IBTK: variants seen among roughly 807,000 people sequenced by gnomAD.
IBTK encodes the protein BTK-binding protein.
A neutral mutation model predicts 154.9 loss-of-function variants in IBTK; 83 were observed. That is an observed-to-expected ratio of 0.54 (90% confidence interval 0.45 to 0.64). The LOEUF is 0.64. Among genes scored for constraint, IBTK ranks in the 30% least tolerant of loss-of-function variants. The pLI, the probability that IBTK is intolerant of heterozygous loss-of-function variation, is 0.00. For missense variants in IBTK, 1,332 were observed against 1,584.6 expected (o/e 0.84, Z 2.71); for synonymous variants, 515 against 536.1 (o/e 0.96, Z 0.54).
intron 21 of IBTK, among the ~76,000 whole-genome samples, chr6:82,198,181 A>G (rs145408250): frequency 1.3e-3 from 191 of 152,324 alleles, no homozygotes; most frequent in African/African-American, 4.5e-3. Context: ...TATGGTAACA[A>G]TAACATTATT....
chr6:82,173,489 C>T, intron 26 of IBTK, 51 bp from the exon 27 acceptor site: 1 of 1,439,264 alleles, frequency 6.9e-7, no homozygotes, highest in Non-Finnish European at 9.8e-7. Flanking sequence ...TAATATTAGT[C>T]AAACTGCTTA....
At chr6:82,205,112 T>G (rs996336518) in intron 16 of IBTK, 154 bp from the exon 17 acceptor site, 6 of 425,878 alleles carry the variant, frequency 1.4e-5, no homozygotes, top group African/African-American at 1.2e-4. Flanking sequence ...AAGATTATTT[T>G]CTAAATGTTG....
intron 20 of IBTK, 52 bp from the exon 21 acceptor site, chr6:82,200,305 A>G: frequency 8.0e-7 from 1 of 1,247,404 alleles, no homozygotes; most frequent in African/African-American, 1.5e-5. Context: ...TAACTAAGAT[A>G]AATGCACTTA....
Position 82,200,167 on chromosome 6 carries a change from T to A in IBTK, c.2999A>T (p.Asp1000Val). Residue 1000 changes from aspartate to valine, a missense_variant, in exon 21 of 29, where the codon GAT (aspartate) becomes GTT (valine). Asp to Val is a radical substitution (Grantham distance 152, BLOSUM62 -3). This residue lies in a region of IBTK where 1,134 missense variants were observed against 1,274.7 expected (regional missense o/e 0.89). Transcript: ENST00000306270. ...TGTAGATGATGGACTCTGAATAATA[T>A]CTGAAAGGTTATAACCTCCAGAACT... ...SDSSGGYNLS[D>V]IIQSPSSTGL... 9 of 1,610,542 alleles carry A rather than the reference T, an allele frequency of 5.6e-6. No homozygotes were observed. The highest frequency in any genetic ancestry group is 7.6e-6 in the Non-Finnish European group (9 of 1,177,902).
intron 27 of IBTK, 49 bp downstream of exon 27, chr6:82,173,318 T>C (rs777217808): frequency 5.1e-6 from 7 of 1,373,456 alleles, no homozygotes; most frequent in Non-Finnish European, 7.3e-6. Context: ...TTTTCAATGC[T>C]AAGCAGCAAC....
rs1307092715 is a variant in IBTK, at chr6:82,240,208, G to A, written c.279C>T (p.Ser93=). ...KESGWTALHR[S]IFYGHIDCVW... ...CACAATCAATATGTCCATAAAAAAT[G>A]CTTCTGTGCAATGCTGTCCATCCAG... The change falls in exon 2 of 29, where the codon AGC becomes AGT. Residue 93 remains serine, a synonymous_variant. Transcript: ENST00000306270. 1 of 1,613,980 alleles carries A rather than the reference G, an allele frequency of 6.2e-7. No homozygotes were observed. The highest frequency in any genetic ancestry group is 8.5e-7 in the Non-Finnish European group (1 of 1,179,988).
At position 82,171,226 on chromosome 6, in the gene IBTK, A is replaced by G. The variant is rs1447569153; in HGVS notation, c.*199T>C. ...AGTTTTTGTCTCACACATTTTATATAAAGTTACTAAAATCACAATTCTGAG... is the reference window on the plus strand; with the variant it reads ...AGTTTTTGTCTCACACATTTTATATGAAGTTACTAAAATCACAATTCTGAG... On this transcript the variant is annotated 3_prime_UTR_variant, in exon 29 of 29. Coordinates refer to ENST00000306270, the MANE Select transcript of IBTK (RefSeq NM_015525.4). The G allele has an allele frequency of 2.7e-6, 1 of 366,336 alleles. No homozygotes were observed. Among genetic ancestry groups the G allele is most frequent in the Non-Finnish European group, 4.8e-6 (1 of 206,314 alleles). 22.7% of individuals were successfully genotyped at this position (366,336 alleles called of 1,614,324 possible). A position where few individuals can be genotyped will look rare whatever the true frequency, so the allele number is the denominator to read the frequency against.
rs922234487 is a variant in IBTK at position 82,210,211 on chromosome 6, A to C, written c.2509+603T>G. 4 of 152,236 alleles carry C rather than the reference A, an allele frequency of 2.6e-5. No individual in the cohort carries two copies. In the East Asian group the frequency reaches 7.7e-4, roughly 29 times the overall value. 9.4% of individuals were successfully genotyped at this position (152,236 alleles called of 1,614,324 possible). On this transcript the variant is annotated intron_variant, in intron 16 of 28. Coordinates refer to ENST00000306270, the MANE Select transcript of IBTK (RefSeq NM_015525.4). ...CCACAAAGGGGAAAAACAGGTAAGA[A>C]AGAACTTATGTAAGTATTTGTCAAA... is the stretch of plus-strand genomic sequence containing the variant.
intron 27 of IBTK, chr6:82,172,938 T>C (rs1767980753): frequency 5.3e-6 from 1 of 189,516 alleles, no homozygotes; most frequent in Non-Finnish European, 1.1e-5. Context: ...ACGGAGAGGA[T>C]ACAAGTAATA....
intron 17 of IBTK, among the ~76,000 whole-genome samples, chr6:82,203,391 G>A (rs1769284888): frequency 6.6e-6 from 1 of 151,938 alleles, no homozygotes; most frequent in South Asian, 2.1e-4. Context: ...CAGCCAATAG[G>A]GAAACACAGT....
rs746040700 is a variant in IBTK at position 82,214,212 on chromosome 6, A to C, written c.2204+15T>G. The stretch of plus-strand genomic sequence containing the variant: ...TGAATGAGGTACAGGAACAGATATA[A>C]AAGAGAAATCATACCTACTACTCAA... On this transcript the variant is annotated intron_variant, in intron 12 of 28. Coordinates refer to ENST00000306270, the MANE Select transcript of IBTK (RefSeq NM_015525.4). 7 of 1,595,004 alleles carry C rather than the reference A, an allele frequency of 4.4e-6. No individual in the cohort carries two copies. In the East Asian group the frequency reaches 1.6e-4, roughly 36 times the overall value.
chr6:82,198,626 G>A (rs992001115), intron 21 of IBTK, among the ~76,000 whole-genome samples: 4 of 151,834 alleles, frequency 2.6e-5, no homozygotes, highest in Non-Finnish European at 2.9e-5. Flanking sequence ...ACAAAACAAT[G>A]TACTCTTCTA....
At chr6:82,186,951 T>A (rs2127801206) in intron 25 of IBTK, among the ~76,000 whole-genome samples, 1 of 148,308 alleles carries the variant, frequency 6.7e-6, no homozygotes. Flanking sequence ...ATTTTTGCTC[T>A]GTTGCCCAGG....
At position 82,191,144 on chromosome 6, in the gene IBTK, G is replaced by A. The variant is rs1002325271; in HGVS notation, c.3504C>T (p.Asn1168=). Residue 1168 remains asparagine (N), a synonymous_variant, in exon 25 of 29, where the codon AAC becomes AAT. Coordinates refer to ENST00000306270, the MANE Select transcript of IBTK (RefSeq NM_015525.4). The part of the protein sequence containing the change: ...RKMIALTTKE[N]NSGMNSMETV... ...TTTCCATGCTATTCATTCCTGAATT[G>A]TTTTCCTTGGTAGTCAATGCAATCA... 13 of 1,608,862 alleles carry A rather than the reference G, an allele frequency of 8.1e-6. No individual in the cohort carries two copies. Among genetic ancestry groups the A allele is most frequent in the East Asian group, 2.2e-5 (1 of 44,570 alleles).
At position 82,233,155 on chromosome 6, in the gene IBTK, C is replaced by CAAAAAAA. The variant is rs35870814; in HGVS notation, c.418+997_418+1003dup. On this transcript the variant is annotated intron_variant, in intron 3 of 28. Transcript: ENST00000306270. ...CTGGGCAACAAGAGCGAAACTGTCT[C>CAAAAAAA]AAAAAAAAAAAAAAAAAAAAAATTA... Among the ~76,000 whole-genome samples the CAAAAAAA allele has an allele frequency of 2.3e-3, 215 of 93,368 alleles. 1 individual carries two copies. Among genetic ancestry groups the CAAAAAAA allele is most frequent in the African/African-American group, 7.5e-3 (206 of 27,362 alleles). The allele number at this position is 93,368 out of a possible 152,430, so 61.3% of individuals were successfully genotyped here.
chr6:82,214,532 T>C lies in IBTK; in HGVS notation c.1899A>G (p.Gln633=). 3 of 1,614,044 alleles carry C rather than the reference T, an allele frequency of 1.9e-6. No homozygotes were observed. Among genetic ancestry groups the C allele is most frequent in the East Asian group, 2.2e-5 (1 of 44,856 alleles). Residue 633 remains glutamine, a synonymous_variant, in exon 12 of 29, where the codon CAA becomes CAG. Transcript: ENST00000306270. Reference sequence around the variant, plus strand: ...AGTCACAAGTATCTGTGTATATAAATTGTAAAAGGTATTCAAACATGTCAG... The same window carrying C: ...AGTCACAAGTATCTGTGTATATAAACTGTAAAAGGTATTCAAACATGTCAG... ...VHPDMFEYLL[Q]FIYTDTCDFL... is the part of the protein sequence containing the mutation.
At chr6:82,247,355 G>A (rs1412756865) in intron 1 of IBTK, among the ~76,000 whole-genome samples, 1 of 152,246 alleles carries the variant, frequency 6.6e-6, no homozygotes, top group Non-Finnish European at 1.5e-5. Flanking sequence ...GCTGAGGGGG[G>A]CGGTAGGGAC....
chr6:82,201,289 C>T, intron 19 of IBTK, 133 bp downstream of exon 19: 1 of 487,260 alleles, frequency 2.1e-6, no homozygotes, highest in Non-Finnish European at 3.6e-6. Context: ...TAAAGGAATC[C>T]TATATCATCA....
chr6:82,207,569 A>G (rs531327516), intron 16 of IBTK, among the ~76,000 whole-genome samples: 1 of 152,194 alleles, frequency 6.6e-6, no homozygotes, highest in Admixed American at 6.5e-5. Context: ...TTTATTGCAG[A>G]AATTGGCAAA....
Sources: gnomAD v4.1 joint callset for allele counts (sites outside exome capture counted in the v4.1 genomes callset) on GRCh38, gnomAD v4.1.1 for gene constraint, gnomAD v4.1.1 regional missense constraint, MANE v1.5 for transcripts, NCBI Gene and HGNC (gene_info 2026-07-23, HGNC 2026-07-21) for gene names.